The following MACROD2 variants were observed in gnomAD, a reference collection of about 807,000 sequenced individuals.
The protein encoded by MACROD2 is mono-ADP ribosylhydrolase 2.
Under a neutral mutation model 70.4 loss-of-function variants are expected in MACROD2, and 36 were observed. The ratio of observed to expected loss-of-function variants is 0.51; its 90% confidence interval spans 0.39 to 0.68. The LOEUF is 0.68. MACROD2 is among the 30% of genes least tolerant of loss of function. The pLI is 0.00. For synonymous variants in MACROD2, 172 were observed against 178.8 expected, an observed-to-expected ratio of 0.96 and a Z score of 0.30; for missense variants, 496 against 538.4, an observed-to-expected ratio of 0.92 and a Z score of 0.78.
intron 3 of MACROD2, among the ~76,000 whole-genome samples, chr20:14,219,542 A>T (rs1008296847): frequency 6.6e-6 from 1 of 151,944 alleles, no homozygotes; most frequent in Admixed American, 6.6e-5. Flanking sequence ...TAAAGCAGGG[A>T]TTTCTTCTTG....
chr20:15,969,912 A>T (rs2066204044), intron 13 of MACROD2, among the ~76,000 whole-genome samples: 1 of 150,160 alleles, frequency 6.7e-6, no homozygotes, highest in Admixed American at 6.7e-5. Context: ...TAAATAAATA[A>T]ATAATAGAAA....
chr20:14,891,555 G>A (rs1316080249), intron 5 of MACROD2, among the ~76,000 whole-genome samples: 3 of 152,014 alleles, frequency 2.0e-5, no homozygotes, highest in East Asian at 1.9e-4. Context: ...GTACATAGTC[G>A]GTATGCAATA....
At chr20:15,542,093 AG>A (rs1198601134) in intron 8 of MACROD2, among the ~76,000 whole-genome samples, 2 of 152,306 alleles carry the variant, frequency 1.3e-5, no homozygotes, top group East Asian at 3.9e-4. Flanking sequence ...TAAATGTGAC[AG>A]GCATCTTGGG....
At chr20:14,615,027 T>C (rs919565428) in intron 4 of MACROD2, among the ~76,000 whole-genome samples, 6 of 152,072 alleles carry the variant, frequency 3.9e-5, no homozygotes, top group African/African-American at 7.2e-5. Context: ...TATGGAACCA[T>C]TGAAATATGA....
chr20:15,243,017 A>T lies in MACROD2; in HGVS notation c.540+12956A>T, dbSNP rs188684117. Reference sequence around the variant, plus strand: ...GCTCTAAAGCTGAGATGATTGTTTCAAAATGGTTCCAAGTTGGTGTGAGGA... The same window carrying T: ...GCTCTAAAGCTGAGATGATTGTTTCTAAATGGTTCCAAGTTGGTGTGAGGA... On this transcript the variant is annotated intron_variant, in intron 6 of 17. Transcript: ENST00000684519. Among the ~76,000 whole-genome samples the T allele has an allele frequency of 2.3e-3, 347 of 152,306 alleles. 7 individuals are homozygous for T. Among genetic ancestry groups the T allele is most frequent in the Non-Finnish European group, 5.1e-4 (35 of 68,032 alleles).
intron 5 of MACROD2, among the ~76,000 whole-genome samples, chr20:15,135,821 G>A (rs1346842297): frequency 3.4e-5 from 5 of 146,946 alleles, no homozygotes; most frequent in African/African-American, 1.3e-4. Context: ...AAACCCCATT[G>A]TCTCAGCCCA....
At chr20:15,469,264 C>A (rs1410693827) in intron 7 of MACROD2, among the ~76,000 whole-genome samples, 1 of 151,940 alleles carries the variant, frequency 6.6e-6, no homozygotes, top group Non-Finnish European at 1.5e-5. Flanking sequence ...CAGAGATGAG[C>A]AAAAGAAAGG....
intron 8 of MACROD2, among the ~76,000 whole-genome samples, chr20:15,666,936 G>A (rs1163260928): frequency 6.6e-6 from 1 of 152,174 alleles, no homozygotes; most frequent in Non-Finnish European, 1.5e-5. Flanking sequence ...AAATAGTGCA[G>A]TGAACAGATA....
At chr20:14,510,851 C>A (rs73901265) in intron 4 of MACROD2, among the ~76,000 whole-genome samples, 13,910 of 152,038 alleles carry the variant, frequency 0.091, 2,129 homozygotes, top group African/African-American at 0.32. Flanking sequence ...AAATGAGTTT[C>A]ACAGAGATAC....
At chr20:14,032,023 C>T (rs2053251538) in intron 2 of MACROD2, among the ~76,000 whole-genome samples, 1 of 152,024 alleles carries the variant, frequency 6.6e-6, no homozygotes, top group South Asian at 2.1e-4. Flanking sequence ...TATGCTTTTA[C>T]AAATATACTA....
At chr20:14,082,429 T>C (rs1401180809) in intron 2 of MACROD2, among the ~76,000 whole-genome samples, 2 of 151,110 alleles carry the variant, frequency 1.3e-5, no homozygotes, top group Non-Finnish European at 3.0e-5. Flanking sequence ...CCTGACCTCA[T>C]GATCCACCCG....
chr20:14,722,363 A>G (rs1196306322), intron 5 of MACROD2, among the ~76,000 whole-genome samples: 2 of 152,188 alleles, frequency 1.3e-5, no homozygotes, highest in Non-Finnish European at 2.9e-5. Flanking sequence ...ATTGAGAACA[A>G]TGATGGAGCC....
chr20:15,459,816 G>GT lies in MACROD2; in HGVS notation c.571+28391dup, dbSNP rs961262635. Among the ~76,000 whole-genome samples, 648 of 148,462 alleles carry GT rather than the reference G, an allele frequency of 4.4e-3. 5 individuals are homozygous for GT. The highest frequency in any genetic ancestry group is 0.014 in the African/African-American group (583 of 40,574). On this transcript the variant is annotated intron_variant, in intron 7 of 17. Transcript: ENST00000684519. ...TTTCCATTTCTCAGCATTTGTCCTTGTTTTTTTTTTCTGTTTTCACATTAT... is the reference window on the plus strand; with the variant it reads ...TTTCCATTTCTCAGCATTTGTCCTTGTTTTTTTTTTTCTGTTTTCACATTAT...
At chr20:15,654,123 C>T (rs544079175) in intron 8 of MACROD2, among the ~76,000 whole-genome samples, 5 of 152,242 alleles carry the variant, frequency 3.3e-5, no homozygotes, top group Middle Eastern at 3.4e-3. Flanking sequence ...CTTATGTGAC[C>T]GGTTGTAAAG....
intron 2 of MACROD2, among the ~76,000 whole-genome samples, chr20:14,025,056 T>G (rs1022607895): frequency 6.6e-6 from 1 of 152,188 alleles, no homozygotes; most frequent in Non-Finnish European, 1.5e-5. Flanking sequence ...GAACTTGTTA[T>G]GGTTTATTCA....
intron 3 of MACROD2, among the ~76,000 whole-genome samples, chr20:14,178,658 T>A (rs1265254772): frequency 6.6e-6 from 1 of 151,786 alleles, no homozygotes; most frequent in Non-Finnish European, 1.5e-5. Flanking sequence ...TGTACGGCTT[T>A]GACTCTTAGA....
At position 13,995,850 on chromosome 20, in the gene MACROD2, G is replaced by GGGGGGGGGGGGGGGGGGGT; in HGVS notation, c.46+41_46+42insGGGGGGGGGGGGGGGGGGT. The stretch of plus-strand genomic sequence containing the variant: ...AGTCCTGGGGGTGCGGGCGGTGGGG[G>GGGGGGGGGGGGGGGGGGGT]TTAGGGTGGGGGCGGGGGTCAGGCT... On this transcript the variant is annotated intron_variant, in intron 1 of 17. Coordinates refer to ENST00000684519, the MANE Select transcript of MACROD2 (RefSeq NM_001351661.2). This position sits in a 1 kb window ranked among gnomAD's most constrained non-coding sequence, Gnocchi z 4.3. The GGGGGGGGGGGGGGGGGGGT allele has an allele frequency of 4.0e-6, 2 of 505,076 alleles. No homozygotes were observed. The highest frequency in any genetic ancestry group is 7.5e-6 in the Non-Finnish European group (2 of 266,306). The allele number at this position is 505,076 out of a possible 1,614,324, so 31.3% of individuals were successfully genotyped here.
At chr20:16,039,632 C>T (rs529014771) in intron 15 of MACROD2, among the ~76,000 whole-genome samples, 1 of 151,900 alleles carries the variant, frequency 6.6e-6, no homozygotes, top group African/African-American at 2.4e-5. Flanking sequence ...TTTTCCTGCT[C>T]GCAGGCTTAG....
At chr20:14,769,960 T>C (rs2072143181) in intron 5 of MACROD2, among the ~76,000 whole-genome samples, 1 of 152,056 alleles carries the variant, frequency 6.6e-6, no homozygotes. Context: ...AAGAACTAGC[T>C]ATTTAAAATG....
Sources: gnomAD v4.1 joint callset for allele counts (sites outside exome capture counted in the v4.1 genomes callset) on GRCh38, gnomAD v4.1.1 for gene constraint, Gnocchi (gnomAD v3.1) non-coding constraint, MANE v1.5 for transcripts, NCBI Gene and HGNC (gene_info 2026-07-23, HGNC 2026-07-21) for gene names.